ITPRID1: variants seen among roughly 807,000 people sequenced by gnomAD.
ITPRID1 encodes the protein protein ITPRID1.
In ITPRID1, 96 loss-of-function variants were observed where a neutral mutation model predicts 95.4. The observed-to-expected ratio is 1.01, with a 90% CI of 0.85 to 1.19. ITPRID1 has a LOEUF of 1.19. ITPRID1 is among the 50% of genes most tolerant of loss of function. The pLI is 0.00. For synonymous variants in ITPRID1, 510 were observed against 453.6 expected, an observed-to-expected ratio of 1.12 and a Z score of -1.58; for missense variants, 1,339 against 1,252.9, an observed-to-expected ratio of 1.07 and a Z score of -1.04.
At chr7:31,585,009 A>G (rs1785537465) in intron 10 of ITPRID1, among the ~76,000 whole-genome samples, 1 of 152,226 alleles carries the variant, frequency 6.6e-6, no homozygotes, top group South Asian at 2.1e-4. Flanking sequence ...GCAAAGCCCA[A>G]GTGACATGAG....
intron 5 of ITPRID1, among the ~76,000 whole-genome samples, chr7:31,566,923 C>A (rs151317093): frequency 1.3e-5 from 2 of 152,116 alleles, no homozygotes; most frequent in Non-Finnish European, 2.9e-5. Context: ...AGGTGCCTCA[C>A]GGGTGAGGGA....
intron 5 of ITPRID1, among the ~76,000 whole-genome samples, chr7:31,568,344 C>G (rs528896516): frequency 2.0e-5 from 3 of 152,084 alleles, no homozygotes; most frequent in African/African-American, 7.2e-5. Flanking sequence ...AGACAAGAAC[C>G]CTAGCCCTTT....
At chr7:31,647,087 C>A (rs540773499) in intron 12 of ITPRID1, among the ~76,000 whole-genome samples, 1 of 152,174 alleles carries the variant, frequency 6.6e-6, no homozygotes, top group Admixed American at 6.5e-5. Flanking sequence ...TGCACACAGG[C>A]GCATGTGCTG....
intron 12 of ITPRID1, among the ~76,000 whole-genome samples, chr7:31,646,307 TG>T (rs1790462061): frequency 1.3e-5 from 2 of 152,160 alleles, no homozygotes; most frequent in Admixed American, 6.6e-5. Context: ...TTTGAGAGTC[TG>T]TGAGGTACTA....
intron 9 of ITPRID1, among the ~76,000 whole-genome samples, chr7:31,580,015 C>A (rs1785337810): frequency 6.6e-6 from 1 of 151,964 alleles, no homozygotes; most frequent in Non-Finnish European, 1.5e-5. Context: ...GAATGTCAAG[C>A]CTGCTGGGTG....
chr7:31,571,278 G>A (rs573163151), intron 6 of ITPRID1, among the ~76,000 whole-genome samples: 5 of 152,028 alleles, frequency 3.3e-5, no homozygotes, highest in East Asian at 3.9e-4. Context: ...CACCCACCTC[G>A]GCCTCCCAAA....
intron 2 of ITPRID1, among the ~76,000 whole-genome samples, chr7:31,552,429 G>A (rs1360989635): frequency 6.6e-6 from 1 of 152,250 alleles, no homozygotes; most frequent in Non-Finnish European, 1.5e-5. Flanking sequence ...ATAGAATTCA[G>A]CATAGAATCT....
rs777359340 is a variant in ITPRID1, at chr7:31,528,236, A to G, written c.-98+14116A>G. On this transcript the variant is annotated intron_variant, in intron 1 of 14. Coordinates refer to ENST00000615280, the MANE Select transcript of ITPRID1 (RefSeq NM_001257967.3). Reference sequence around the variant, plus strand: ...TACATGTATAACTAATGGATAATCAAAGTATGGGTAATTGAGGTTGTTTAT... The same window carrying G: ...TACATGTATAACTAATGGATAATCAGAGTATGGGTAATTGAGGTTGTTTAT... 3.2e-4 allele frequency among the ~76,000 whole-genome samples: 48 copies of G among 152,290 alleles called. 1 individual carries two copies. Among genetic ancestry groups the G allele is most frequent in the East Asian group, 9.7e-4 (5 of 5,172 alleles).
chr7:31,631,742 G>T (rs1789018035), intron 10 of ITPRID1, among the ~76,000 whole-genome samples: 1 of 152,202 alleles, frequency 6.6e-6, no homozygotes, highest in African/African-American at 2.4e-5. Context: ...AAAACCTCAG[G>T]AGAGTGCTAA....
rs141244629 is a variant in ITPRID1, at chr7:31,563,791, G to T, written c.257-5967G>T. 3.7e-3 allele frequency among the ~76,000 whole-genome samples: 565 copies of T among 152,244 alleles called. 1 individual carries two copies. The highest frequency in any genetic ancestry group is 0.013 in the African/African-American group (541 of 41,558). ...AGTGGAATGGGGAGGAAGGGTCAAA[G>T]ATATCTGGAAATAAACAGACAAGTG... is the stretch of plus-strand genomic sequence containing the variant. On this transcript the variant is annotated intron_variant, in intron 5 of 14. Transcript: ENST00000615280.
chr7:31,592,471 A>G (rs1785908617), intron 10 of ITPRID1, among the ~76,000 whole-genome samples: 1 of 152,200 alleles, frequency 6.6e-6, no homozygotes, highest in Non-Finnish European at 1.5e-5. Flanking sequence ...TACTCAAAAT[A>G]AAGTACTCTG....
chr7:31,567,652 G>T (rs564192515), intron 5 of ITPRID1, among the ~76,000 whole-genome samples: 1 of 149,772 alleles, frequency 6.7e-6, no homozygotes, highest in African/African-American at 2.5e-5. Flanking sequence ...CGCAGTCTCC[G>T]CTCACTGCAA....
chr7:31,631,185 A>AT (rs1025861038), intron 10 of ITPRID1, among the ~76,000 whole-genome samples: 11 of 152,220 alleles, frequency 7.2e-5, no homozygotes, highest in African/African-American at 2.7e-4. Flanking sequence ...GGAAGAGCAG[A>AT]TAAAAAAAAA....
rs369807067 is a variant in ITPRID1 at position 31,652,880 on chromosome 7, A to T, written c.*51A>T. 5.4e-5 allele frequency: 84 copies of T among 1,565,794 alleles called. No individual in the cohort carries two copies. The African/African-American group carries it at 8.3e-4, about 16-fold the overall frequency. ...TACAAAATATAAAGGCCCAGAACAG[A>T]TGTAGCAAGGAAATTTCAATTTTCC... On this transcript the variant is annotated 3_prime_UTR_variant, in exon 15 of 15. Transcript: ENST00000615280.
In ITPRID1 at chr7:31,578,391, C is replaced by T. The variant is rs573493648; in HGVS notation, c.1127C>T (p.Ser376Phe). ...CAGACTAACAAGCTCAAGAGCTTGT[C>T]TCATCTTGCAGGCAAAGGACCAGAC... ...LFQTNKLKSL[S>F]HLAGKGPDSF... Residue 376 changes from serine (S) to phenylalanine (F), a missense_variant, in exon 9 of 15, where the codon TCT (serine) becomes TTT (phenylalanine). Ser to Phe is a radical substitution (Grantham distance 155, BLOSUM62 -2). Transcript: ENST00000615280. 2.5e-6 allele frequency: 4 copies of T among 1,612,930 alleles called. No individual in the cohort carries two copies. The highest frequency in any genetic ancestry group is 2.2e-5 in the East Asian group (1 of 44,844).
chr7:31,609,143 T>C (rs1367521199), intron 10 of ITPRID1, among the ~76,000 whole-genome samples: 1 of 151,760 alleles, frequency 6.6e-6, no homozygotes, highest in Non-Finnish European at 1.5e-5. Context: ...TTTCAGATGT[T>C]AAAATAGCCT....
intron 1 of ITPRID1, among the ~76,000 whole-genome samples, chr7:31,514,931 A>G (rs933684661): frequency 1.3e-5 from 2 of 151,940 alleles, no homozygotes; most frequent in East Asian, 3.9e-4. Context: ...TTTAGCAGGT[A>G]CCTTTATTAA....
At chr7:31,563,167 A>G (rs1027947367) in intron 5 of ITPRID1, among the ~76,000 whole-genome samples, 3 of 152,228 alleles carry the variant, frequency 2.0e-5, no homozygotes, top group Non-Finnish European at 4.4e-5. Flanking sequence ...TGAAGGAGGA[A>G]TATGGTTTTT....
At chr7:31,576,597 C>T (rs957876696) in intron 8 of ITPRID1, among the ~76,000 whole-genome samples, 10 of 152,158 alleles carry the variant, frequency 6.6e-5, no homozygotes, top group Non-Finnish European at 1.2e-4. Context: ...CCCCACAGTT[C>T]CTATAGGTCT....
Sources: gnomAD v4.1 joint callset for allele counts (sites outside exome capture counted in the v4.1 genomes callset) on GRCh38, gnomAD v4.1.1 for gene constraint, MANE v1.5 for transcripts, NCBI Gene and HGNC (gene_info 2026-07-23, HGNC 2026-07-21) for gene names.